Variants in TEAD1 observed in about 807,000 individuals in gnomAD.
The protein encoded by TEAD1 is transcriptional enhancer factor TEF-1.
In TEAD1, 9 loss-of-function variants were observed where a neutral mutation model predicts 54.9. The observed-to-expected ratio is 0.16, with a 90% CI of 0.10 to 0.29. The LOEUF (loss-of-function observed/expected upper bound fraction) is 0.29. Ranked by LOEUF, TEAD1 falls within the 10% of genes least tolerant of loss-of-function variation. TEAD1 has a pLI of 1.00. For missense variants in TEAD1, 387 were observed against 535.9 expected (o/e 0.72, Z 2.74); for synonymous variants, 200 against 187.8 (o/e 1.07, Z -0.53).
chr11:12,867,457 C>T (rs1024265774), intron 5 of TEAD1, among the ~76,000 whole-genome samples: 1 of 152,204 alleles, frequency 6.6e-6, no homozygotes, highest in Non-Finnish European at 1.5e-5. Context: ...CTTGGCACCA[C>T]TCTGAGGGCA....
At chr11:12,804,677 C>A (rs1946131907) in intron 3 of TEAD1, among the ~76,000 whole-genome samples, 1 of 152,160 alleles carries the variant, frequency 6.6e-6, no homozygotes, top group Admixed American at 6.5e-5. Flanking sequence ...GGATGCATAC[C>A]ATGTTAGAAC....
At chr11:12,877,831 A>G (rs117785041) in intron 5 of TEAD1, among the ~76,000 whole-genome samples, 4,232 of 126,440 alleles carry the variant, frequency 0.033, 120 homozygotes, top group South Asian at 0.14. Flanking sequence ...GTCTTGCTCT[A>G]CTGCCCAGGC....
At chr11:12,816,092 G>C (rs898339579) in intron 3 of TEAD1, among the ~76,000 whole-genome samples, 7 of 152,232 alleles carry the variant, frequency 4.6e-5, no homozygotes, top group Non-Finnish European at 1.5e-5. Flanking sequence ...TGTCTCTTCT[G>C]TTGGGCAGTC....
At chr11:12,889,970 C>T (rs961494227) in intron 9 of TEAD1, among the ~76,000 whole-genome samples, 1 of 152,142 alleles carries the variant, frequency 6.6e-6, no homozygotes, top group African/African-American at 2.4e-5. Flanking sequence ...GATCCACCCA[C>T]CTCGGCCTCC....
At chr11:12,776,120 C>CG in intron 3 of TEAD1, among the ~76,000 whole-genome samples, 3 of 151,954 alleles carry the variant, frequency 2.0e-5, no homozygotes, top group Middle Eastern at 3.4e-3. Context: ...AGTGCTAGGG[C>CG]GGGGGAGGAG....
At chr11:12,725,999 C>T (rs771303878) in intron 2 of TEAD1, among the ~76,000 whole-genome samples, 50 of 152,172 alleles carry the variant, frequency 3.3e-4, no homozygotes, top group Admixed American at 5.9e-4. Context: ...TCCTTCCACG[C>T]GTCCAACAAA....
At chr11:12,726,802 C>A (rs1188133931) in intron 2 of TEAD1, among the ~76,000 whole-genome samples, 1 of 152,078 alleles carries the variant, frequency 6.6e-6, no homozygotes, top group Non-Finnish European at 1.5e-5. Context: ...TGCTCCGCTG[C>A]ATTACAGCCT....
At chr11:12,923,332 T>G (rs1564992155) in intron 10 of TEAD1, among the ~76,000 whole-genome samples, 1 of 152,192 alleles carries the variant, frequency 6.6e-6, no homozygotes. Flanking sequence ...AAGCCTCGTC[T>G]TCTTTCTTGG....
chr11:12,707,305 C>T (rs1185332633), intron 2 of TEAD1, among the ~76,000 whole-genome samples: 2 of 152,084 alleles, frequency 1.3e-5, no homozygotes, highest in Admixed American at 6.6e-5. Flanking sequence ...TTTGCTTTGG[C>T]ATTCAGCCAG....
intron 10 of TEAD1, among the ~76,000 whole-genome samples, chr11:12,918,975 A>G (rs889890408): frequency 3.3e-5 from 5 of 152,248 alleles, no homozygotes; most frequent in African/African-American, 1.2e-4. Flanking sequence ...CAAGGTGTAT[A>G]GATGATTGTG....
chr11:12,827,076 G>T (rs935852222), intron 3 of TEAD1, among the ~76,000 whole-genome samples: 1 of 152,154 alleles, frequency 6.6e-6, no homozygotes, highest in African/African-American at 2.4e-5. Flanking sequence ...TGTTGTTATT[G>T]TTTTTAGGGC....
intron 2 of TEAD1, among the ~76,000 whole-genome samples, chr11:12,687,842 G>A (rs1207465416): frequency 1.3e-5 from 2 of 151,990 alleles, no homozygotes; most frequent in East Asian, 1.9e-4. Context: ...CCTCACCCCC[G>A]TGACTGGTTA....
In TEAD1 at chr11:12,902,381, C is replaced by T. The variant is rs550167346; in HGVS notation, c.873+268C>T. ...CCTCTTTGGACTTCACTTAAATTCC[C>T]GGAGCTGGGATGAAAATAAAGTTAC... On this transcript the variant is annotated intron_variant, in intron 10 of 12. Coordinates refer to ENST00000527636, the MANE Select transcript of TEAD1 (RefSeq NM_021961.6). 5.3e-5 allele frequency among the ~76,000 whole-genome samples: 8 copies of T among 152,348 alleles called. No homozygotes were observed. In the East Asian group the frequency reaches 1.2e-3, roughly 22 times the overall value.
chr11:12,810,999 A>G (rs957344495), intron 3 of TEAD1, among the ~76,000 whole-genome samples: 3 of 152,162 alleles, frequency 2.0e-5, no homozygotes, highest in Admixed American at 1.3e-4. Flanking sequence ...TTTTCTTACC[A>G]AATGCATAGA....
chr11:12,915,587 C>T (rs765242282), intron 10 of TEAD1, among the ~76,000 whole-genome samples: 12 of 152,214 alleles, frequency 7.9e-5, no homozygotes, highest in South Asian at 2.1e-4. Context: ...GTGGCCCACG[C>T]GTATAATCCC....
chr11:12,729,888 A>G (rs1944385234), intron 2 of TEAD1, among the ~76,000 whole-genome samples: 1 of 152,198 alleles, frequency 6.6e-6, no homozygotes, highest in South Asian at 2.1e-4. Context: ...GGGTTTGCCC[A>G]GGTGAATAAT....
intron 8 of TEAD1, 134 bp from the exon 9 acceptor site, chr11:12,882,867 T>C: frequency 1.5e-6 from 2 of 1,338,778 alleles, no homozygotes; most frequent in East Asian, 4.8e-5. Flanking sequence ...GTCTGAGTTA[T>C]CCTGGCCAGA....
At chr11:12,888,948 G>GC (rs1948144277) in intron 9 of TEAD1, among the ~76,000 whole-genome samples, 1 of 152,072 alleles carries the variant, frequency 6.6e-6, no homozygotes, top group Non-Finnish European at 1.5e-5. Context: ...GGGGATGATC[G>GC]CCCCCTGCTG....
intron 3 of TEAD1, among the ~76,000 whole-genome samples, chr11:12,803,210 C>T (rs775374262): frequency 6.6e-6 from 1 of 151,352 alleles, no homozygotes; most frequent in Non-Finnish European, 1.5e-5. Flanking sequence ...CTTTAATATT[C>T]CCTGTTTATA....
Sources: gnomAD v4.1 joint callset for allele counts (sites outside exome capture counted in the v4.1 genomes callset) on GRCh38, gnomAD v4.1.1 for gene constraint, MANE v1.5 for transcripts, NCBI Gene and HGNC (gene_info 2026-07-23, HGNC 2026-07-21) for gene names.